BBX: variants seen among roughly 807,000 people sequenced by gnomAD.
BBX encodes BBX high mobility group box domain containing.
Under a neutral mutation model 100.2 loss-of-function variants are expected in BBX, and 30 were observed. The observed-to-expected ratio is 0.30, with a 90% CI of 0.22 to 0.41. The LOEUF (loss-of-function observed/expected upper bound fraction) is 0.41. Among genes scored for constraint, BBX ranks in the 10% least tolerant of loss-of-function variants. The pLI is 1.00. For synonymous variants in BBX, 376 were observed against 388.1 expected (o/e 0.97, Z 0.37); for missense variants, 1,023 against 1,129.8 (o/e 0.91, Z 1.35).
chr3:107,654,768 T>C (rs1039350802), intron 3 of BBX, among the ~76,000 whole-genome samples: 1 of 152,212 alleles, frequency 6.6e-6, no homozygotes, highest in Non-Finnish European at 1.5e-5. Context: ...GACTCAAGAC[T>C]AAACTAACTC....
intron 2 of BBX, among the ~76,000 whole-genome samples, chr3:107,566,191 AAAAAAAAAAAAGAT>A (rs1459959667): frequency 4.6e-5 from 7 of 150,600 alleles, no homozygotes; most frequent in African/African-American, 1.7e-4. Context: ...AAAAAAAAAA[AAAAAAAAAAAAGAT>A]AGTTTGTTGA....
intron 13 of BBX, among the ~76,000 whole-genome samples, chr3:107,784,345 G>A (rs1249929701): frequency 2.0e-5 from 3 of 151,908 alleles, no homozygotes; most frequent in African/African-American, 7.2e-5. Context: ...CTCAGTAATG[G>A]CAGAATGTAT....
rs1486722801 is a variant in BBX at position 107,561,436 on chromosome 3, TATTC to T, written c.-84+35041_-84+35044del. Reference sequence around the variant, plus strand: ...CTGCATAAGGACTTATGTATAAGAATATTCATAGTAAAATGTTTTTGTAATAGGG... The same window carrying T: ...CTGCATAAGGACTTATGTATAAGAATATAGTAAAATGTTTTTGTAATAGGG... On this transcript the variant is annotated intron_variant, in intron 2 of 17. Coordinates refer to ENST00000325805, the MANE Select transcript of BBX (RefSeq NM_001142568.3). Among the ~76,000 whole-genome samples, 8 of 152,310 alleles carry T rather than the reference TATTC, an allele frequency of 5.3e-5. No individual in the cohort carries two copies. In the East Asian group the frequency reaches 1.5e-3, roughly 29 times the overall value.
At position 107,756,637 on chromosome 3, in the gene BBX, A is replaced by G. The variant is rs898361740; in HGVS notation, c.906+959A>G. Among the ~76,000 whole-genome samples, 11 of 152,174 alleles carry G rather than the reference A, an allele frequency of 7.2e-5. No individual in the cohort carries two copies. The East Asian group carries it at 2.1e-3, about 29-fold the overall frequency. Reference sequence around the variant, plus strand: ...TAAATTAGGTTTTTAAAGATTACCAAGTCCAAATTAGAAATATAAAAATAC... The same window carrying G: ...TAAATTAGGTTTTTAAAGATTACCAGGTCCAAATTAGAAATATAAAAATAC... On this transcript the variant is annotated intron_variant, in intron 10 of 17. Coordinates refer to ENST00000325805, the MANE Select transcript of BBX (RefSeq NM_001142568.3).
chr3:107,664,149 T>TA (rs1326791059), intron 3 of BBX, among the ~76,000 whole-genome samples: 1 of 152,180 alleles, frequency 6.6e-6, no homozygotes, highest in Non-Finnish European at 1.5e-5. Context: ...TCATTGGAAA[T>TA]AAAGCAGCAG....
intron 2 of BBX, among the ~76,000 whole-genome samples, chr3:107,528,696 C>T (rs971359787): frequency 1.3e-5 from 2 of 152,146 alleles, no homozygotes; most frequent in African/African-American, 2.4e-5. Flanking sequence ...CATATGATTA[C>T]GATTGGCCTG....
chr3:107,696,601 T>C (rs1175450534), intron 3 of BBX, among the ~76,000 whole-genome samples: 1 of 151,882 alleles, frequency 6.6e-6, no homozygotes, highest in Non-Finnish European at 1.5e-5. Flanking sequence ...TTGAGGGTAA[T>C]CCGAACTTTC....
chr3:107,733,976 G>A (rs1429563616), intron 7 of BBX, among the ~76,000 whole-genome samples: 1 of 152,070 alleles, frequency 6.6e-6, no homozygotes, highest in African/African-American at 2.4e-5. Flanking sequence ...TACAGGTCAT[G>A]TTATTTTACC....
chr3:107,729,996 A>C (rs73850139), intron 6 of BBX, among the ~76,000 whole-genome samples: 2,659 of 152,170 alleles, frequency 0.017, 75 homozygotes, highest in African/African-American at 0.061. Flanking sequence ...CTGAGATGGG[A>C]GGATCACTTG....
In BBX at chr3:107,798,733, A is replaced by C; in HGVS notation, c.2551+13A>C. On this transcript the variant is annotated intron_variant, in intron 16 of 17. Coordinates refer to ENST00000325805, the MANE Select transcript of BBX (RefSeq NM_001142568.3). ...GGAGGTACTTTGGGTAAGAAGAGAG[A>C]GCTTTAGACCAGAGGTGTCCAATCT... The C allele has an allele frequency of 6.2e-7, 1 of 1,611,798 alleles. No individual in the cohort carries two copies. Among genetic ancestry groups the C allele is most frequent in the Non-Finnish European group, 8.5e-7 (1 of 1,178,650 alleles).
chr3:107,545,627 A>G (rs934713019), intron 2 of BBX, among the ~76,000 whole-genome samples: 10 of 152,126 alleles, frequency 6.6e-5, no homozygotes, highest in African/African-American at 2.4e-4. Flanking sequence ...TGCCTTCTTT[A>G]TCTTTGTGCT....
At chr3:107,784,400 T>C (rs563520099) in intron 13 of BBX, among the ~76,000 whole-genome samples, 125 of 152,106 alleles carry the variant, frequency 8.2e-4, no homozygotes, top group African/African-American at 2.9e-3. Flanking sequence ...GTAGACCATA[T>C]GTTAATCCAT....
chr3:107,729,830 T>C (rs958406385), intron 6 of BBX, among the ~76,000 whole-genome samples: 8 of 152,234 alleles, frequency 5.3e-5, no homozygotes, highest in Non-Finnish European at 7.3e-5. Flanking sequence ...AACACTTTTT[T>C]TTTGAATAAC....
chr3:107,593,829 G>A (rs13063602), intron 2 of BBX, among the ~76,000 whole-genome samples: 11,652 of 152,234 alleles, frequency 0.077, 664 homozygotes, highest in Non-Finnish European at 0.12. Context: ...AGTTTTATAC[G>A]GAAGCTGTAG....
At chr3:107,711,501 G>A in intron 4 of BBX, 1 of 339,356 alleles carries the variant, frequency 2.9e-6, no homozygotes. Context: ...GCTTTCATCA[G>A]GAATTAAAAA....
chr3:107,582,719 G>A (rs1375006425), intron 2 of BBX, among the ~76,000 whole-genome samples: 1 of 152,070 alleles, frequency 6.6e-6, no homozygotes, highest in African/African-American at 2.4e-5. Flanking sequence ...AAGTTAGTAT[G>A]CTTATGAGTT....
intron 13 of BBX, among the ~76,000 whole-genome samples, chr3:107,778,994 C>CATATATATATATATAT (rs1286419462): frequency 2.1e-3 from 145 of 68,012 alleles, no homozygotes; most frequent in African/African-American, 3.5e-3. Flanking sequence ...CCTCCAGCAA[C>CATATATATATATATAT]ATATATATAT....
intron 3 of BBX, among the ~76,000 whole-genome samples, chr3:107,678,642 T>A (rs1261842907): frequency 1.3e-5 from 2 of 152,120 alleles, no homozygotes; most frequent in Non-Finnish European, 2.9e-5. Flanking sequence ...GAAGATCACT[T>A]GAGCCCAGAA....
intron 3 of BBX, among the ~76,000 whole-genome samples, chr3:107,672,088 G>A (rs1034353388): frequency 1.3e-5 from 2 of 152,046 alleles, no homozygotes; most frequent in Admixed American, 1.3e-4. Flanking sequence ...GATATCTTCT[G>A]TTTCATAACT....
Sources: allele counts gnomAD v4.1 joint callset (sites outside exome capture counted in the v4.1 genomes callset), GRCh38; gene constraint gnomAD v4.1.1; transcripts MANE v1.5; gene names NCBI Gene and HGNC (gene_info 2026-07-23, HGNC 2026-07-21).